The following CEP128 variants were observed in gnomAD, a reference collection of about 807,000 sequenced individuals.
CEP128 encodes the protein centrosomal protein 128.
Under a neutral mutation model 156.7 loss-of-function variants are expected in CEP128, and 132 were observed. That is an observed-to-expected ratio of 0.84 (90% CI 0.73 to 0.97). CEP128 has a LOEUF of 0.97. Among genes scored for constraint, CEP128 ranks in the 50% least tolerant of loss-of-function variants. The pLI is 0.00. For missense variants in CEP128, 1,252 were observed against 1,281.9 expected (o/e 0.98, Z 0.36); for synonymous variants, 469 against 448.9 (o/e 1.04, Z -0.57).
chr14:80,720,119 G>A lies in CEP128; in HGVS notation c.2806+22956C>T, dbSNP rs537745383. Among the ~76,000 whole-genome samples the A allele has an allele frequency of 9.9e-5, 15 of 151,806 alleles. No individual in the cohort carries two copies. In the South Asian group the frequency reaches 1.2e-3, roughly 13 times the overall value. On this transcript the variant is annotated intron_variant, in intron 19 of 24. Transcript: ENST00000555265. ...GGGAGGTGGGGGCTACAGGGTAAAC[G>A]AGATGGGGGCAAAAAAACTACTGTG...
rs540593415 is a variant in CEP128, at chr14:80,563,524, CTTTTTTTT to C, written c.2857-4230_2857-4223del. Among the ~76,000 whole-genome samples, 37 of 78,872 alleles carry C rather than the reference CTTTTTTTT, an allele frequency of 4.7e-4. 2 individuals carry two copies. In the East Asian group the frequency reaches 0.014, roughly 29 times the overall value. 51.7% of individuals were successfully genotyped at this position (78,872 alleles called of 152,430 possible). A position where few individuals can be genotyped will look rare whatever the true frequency, so the allele number is the denominator to read the frequency against. On this transcript the variant is annotated intron_variant, in intron 20 of 24. Coordinates refer to ENST00000555265, the MANE Select transcript of CEP128 (RefSeq NM_152446.5). ...GAAGCCTACCCATGGGCCTCCAAAT[CTTTTTTTT>C]TTTTTTTTTTTTTTTTTTGAGATGG... is the stretch of plus-strand genomic sequence containing the variant.
chr14:80,541,443 T>TTA (rs1555372783), intron 21 of CEP128, among the ~76,000 whole-genome samples: 35 of 109,930 alleles, frequency 3.2e-4, no homozygotes, highest in East Asian at 8.0e-4. Context: ...ATGACTGTGT[T>TTA]AAAAAAAAAA....
At chr14:80,683,733 T>G (rs1486508736) in intron 19 of CEP128, among the ~76,000 whole-genome samples, 2 of 152,048 alleles carry the variant, frequency 1.3e-5, no homozygotes, top group African/African-American at 4.8e-5. Flanking sequence ...AAAGTCTCAA[T>G]ACATTCAAAA....
At chr14:80,912,874 A>G (rs1884329500) in intron 4 of CEP128, among the ~76,000 whole-genome samples, 2 of 152,150 alleles carry the variant, frequency 1.3e-5, no homozygotes, top group Admixed American at 1.3e-4. Flanking sequence ...CATGTTTCCA[A>G]TGATAGGTAC....
intron 20 of CEP128, among the ~76,000 whole-genome samples, chr14:80,560,653 TG>T (rs904455981): frequency 7.2e-5 from 11 of 152,058 alleles, no homozygotes; most frequent in African/African-American, 2.4e-4. Context: ...GTTAATCTGG[TG>T]GGCACAATCT....
In CEP128 at chr14:80,793,006, C is replaced by T. The variant is rs927996121; in HGVS notation, c.1314G>A (p.Lys438=). Residue 438 remains lysine, a synonymous_variant, in exon 14 of 25, where the codon AAG becomes AAA. Coordinates refer to ENST00000555265, the MANE Select transcript of CEP128 (RefSeq NM_152446.5). ...GCTCTGAGATCTGAAGGTCAGCATGCTTACGCTCGGCCTCACATGTGTCAA... is the reference window on the plus strand; with the variant it reads ...GCTCTGAGATCTGAAGGTCAGCATGTTTACGCTCGGCCTCACATGTGTCAA... ...NHFDTCEAER[K]HADLQISELT... 1 of 1,614,196 alleles carries T rather than the reference C, an allele frequency of 6.2e-7. No individual in the cohort carries two copies.
intron 19 of CEP128, among the ~76,000 whole-genome samples, chr14:80,650,637 A>C (rs1226832383): frequency 6.6e-6 from 1 of 152,154 alleles, no homozygotes; most frequent in Non-Finnish European, 1.5e-5. Context: ...AGCTGTGCTG[A>C]ATTTTATCAA....
chr14:80,855,877 T>G (rs927574709), intron 9 of CEP128, among the ~76,000 whole-genome samples: 55 of 152,264 alleles, frequency 3.6e-4, no homozygotes, highest in Non-Finnish European at 6.2e-4. Context: ...CATCCTAGGT[T>G]TCATGGAAGC....
rs182960040 is a variant in CEP128 at position 80,778,400 on chromosome 14, G to C, written c.2212-354C>G. 2.0e-4 allele frequency among the ~76,000 whole-genome samples: 30 copies of C among 152,292 alleles called. No homozygotes were observed. In the East Asian group the frequency reaches 3.9e-3, roughly 20 times the overall value. The stretch of plus-strand genomic sequence containing the variant: ...AATCCAAAGAAGAGACACCAGCTCT[G>C]CTAAGAGGGGAAGGAGTTATTAGAG... On this transcript the variant is annotated intron_variant, in intron 15 of 24. Coordinates refer to ENST00000555265, the MANE Select transcript of CEP128 (RefSeq NM_152446.5).
At chr14:80,756,790 C>A in intron 18 of CEP128, 102 bp downstream of exon 18, 1 of 730,620 alleles carries the variant, frequency 1.4e-6, no homozygotes. Context: ...AGCATTATAG[C>A]TTCATATGTT....
chr14:80,759,747 A>T (rs1199906411), intron 17 of CEP128, among the ~76,000 whole-genome samples: 1 of 152,140 alleles, frequency 6.6e-6, no homozygotes, highest in African/African-American at 2.4e-5. Context: ...GAAAGCCTAT[A>T]AAAAATTGGA....
At chr14:80,807,449 T>C (rs1216746306) in intron 13 of CEP128, among the ~76,000 whole-genome samples, 3 of 151,870 alleles carry the variant, frequency 2.0e-5, no homozygotes, top group Admixed American at 6.6e-5. Context: ...AAATAGAACA[T>C]CGAGGAGAGA....
At chr14:80,833,433 T>C (rs1436632727) in intron 12 of CEP128, among the ~76,000 whole-genome samples, 1 of 151,810 alleles carries the variant, frequency 6.6e-6, no homozygotes, top group Non-Finnish European at 1.5e-5. Flanking sequence ...ATGTAGTATA[T>C]GTAATGAAAC....
chr14:80,530,551 A>G (rs777869684), intron 22 of CEP128, among the ~76,000 whole-genome samples: 1 of 152,220 alleles, frequency 6.6e-6, no homozygotes, highest in Non-Finnish European at 1.5e-5. Context: ...AATTATCATT[A>G]AAGTTTTAGG....
intron 8 of CEP128, among the ~76,000 whole-genome samples, chr14:80,864,296 ACT>A (rs1210445304): frequency 6.6e-6 from 1 of 152,116 alleles, no homozygotes; most frequent in Non-Finnish European, 1.5e-5. Flanking sequence ...GTATCCCCAG[ACT>A]CTGCCTTCAA....
At position 80,586,239 on chromosome 14, in the gene CEP128, G is replaced by C. The variant is rs137861145; in HGVS notation, c.2807-5816C>G. On this transcript the variant is annotated intron_variant, in intron 19 of 24. Coordinates refer to ENST00000555265, the MANE Select transcript of CEP128 (RefSeq NM_152446.5). ...GCTTTTAAGGAAACAGAAGTGGAGG[G>C]CCTGGGGGCCAGCCCACCAAGCTCC... Among the ~76,000 whole-genome samples, 747 of 152,308 alleles carry C rather than the reference G, an allele frequency of 4.9e-3. 5 individuals are homozygous for C. Among genetic ancestry groups the C allele is most frequent in the African/African-American group, 0.017 (705 of 41,574 alleles).
intron 2 of CEP128, among the ~76,000 whole-genome samples, chr14:80,952,023 T>C (rs1886476422): frequency 6.6e-6 from 1 of 151,854 alleles, no homozygotes. Flanking sequence ...CTGATAGAAA[T>C]GCAATGAGGG....
chr14:80,599,715 C>T (rs1329594251), intron 19 of CEP128, among the ~76,000 whole-genome samples: 1 of 151,924 alleles, frequency 6.6e-6, no homozygotes, highest in African/African-American at 2.4e-5. Context: ...AATTAATACT[C>T]AAACACCTTA....
At chr14:80,802,620 G>A (rs1481344129) in intron 13 of CEP128, among the ~76,000 whole-genome samples, 2 of 151,792 alleles carry the variant, frequency 1.3e-5, no homozygotes, top group East Asian at 1.9e-4. Context: ...TATAACCTAT[G>A]TAACAAACCT....
Sources: allele counts gnomAD v4.1 joint callset (sites outside exome capture counted in the v4.1 genomes callset), GRCh38; gene constraint gnomAD v4.1.1; transcripts MANE v1.5; gene names NCBI Gene and HGNC (gene_info 2026-07-23, HGNC 2026-07-21).